The following MSRA variants were observed in gnomAD, a reference collection of about 807,000 sequenced individuals.
The protein encoded by MSRA is mitochondrial peptide methionine sulfoxide reductase.
MSRA carries 54 observed loss-of-function variants against 31.3 expected under a neutral mutation model. The observed-to-expected ratio is 1.73, with a 90% CI of 1.39 to 2.17. The LOEUF is 2.17. MSRA is among the 30% of genes most tolerant of loss of function. The pLI, the probability that MSRA is intolerant of heterozygous loss-of-function variation, is 0.00. For synonymous variants in MSRA, 169 were observed against 116.5 expected (o/e 1.45, Z -2.90); for missense variants, 507 against 300.9 (o/e 1.69, Z -5.07).
intron 2 of MSRA, among the ~76,000 whole-genome samples, chr8:10,208,516 A>C (rs550780332): frequency 1.3e-5 from 2 of 152,198 alleles, no homozygotes; most frequent in Admixed American, 6.5e-5. Flanking sequence ...ATGTCATCTA[A>C]ACTTCCTTCA....
At chr8:10,327,292 T>C (rs941114710) in intron 5 of MSRA, among the ~76,000 whole-genome samples, 1 of 152,202 alleles carries the variant, frequency 6.6e-6, no homozygotes, top group African/African-American at 2.4e-5. Flanking sequence ...CATCAGTATA[T>C]AGCTACAATC....
At chr8:10,128,859 C>T (rs777421555) in intron 1 of MSRA, among the ~76,000 whole-genome samples, 7 of 152,166 alleles carry the variant, frequency 4.6e-5, no homozygotes, top group Non-Finnish European at 7.3e-5. Flanking sequence ...TAGAATGAAT[C>T]ATCAAAAGCT....
At chr8:10,337,864 G>A (rs1803154894) in intron 5 of MSRA, 1 of 700,182 alleles carries the variant, frequency 1.4e-6, no homozygotes, top group Non-Finnish European at 2.6e-6. Context: ...AGTTTGTAAA[G>A]TGGTCCTCAC....
chr8:10,272,744 TA>T (rs1409190933), intron 3 of MSRA, among the ~76,000 whole-genome samples: 12 of 152,336 alleles, frequency 7.9e-5, no homozygotes, highest in Middle Eastern at 3.4e-3. Context: ...TTTATGTGTT[TA>T]TTTTTTTTAT....
intron 2 of MSRA, among the ~76,000 whole-genome samples, chr8:10,231,168 C>T (rs1276842218): frequency 1.3e-5 from 2 of 151,926 alleles, no homozygotes; most frequent in Admixed American, 1.3e-4. Context: ...AGAAAGGCGG[C>T]AAGGAGGGAG....
chr8:10,380,971 AGAAG>A (rs1347222052), intron 5 of MSRA, among the ~76,000 whole-genome samples: 1 of 151,850 alleles, frequency 6.6e-6, no homozygotes, highest in Non-Finnish European at 1.5e-5. Flanking sequence ...ACGGATGGGT[AGAAG>A]GATGGATGGA....
At chr8:10,316,490 A>C (rs779400346) in intron 4 of MSRA, among the ~76,000 whole-genome samples, 2 of 148,962 alleles carry the variant, frequency 1.3e-5, no homozygotes, top group Non-Finnish European at 3.0e-5. Context: ...GCCTGGACAT[A>C]GTGAGAACTA....
intron 1 of MSRA, among the ~76,000 whole-genome samples, chr8:10,056,221 A>AAC (rs1554532490): frequency 2.0e-5 from 3 of 149,102 alleles, no homozygotes; most frequent in African/African-American, 7.4e-5. Context: ...AAAAAAAAAA[A>AAC]CCCCAAATAA....
chr8:10,421,099 C>T (rs560082201), intron 5 of MSRA, among the ~76,000 whole-genome samples: 13 of 152,256 alleles, frequency 8.5e-5, no homozygotes, highest in African/African-American at 1.2e-4. Flanking sequence ...GTCTGACTCA[C>T]ATACAGGCTG....
chr8:10,202,944 C>T (rs1423332759), intron 1 of MSRA, among the ~76,000 whole-genome samples: 1 of 152,066 alleles, frequency 6.6e-6, no homozygotes, highest in African/African-American at 2.4e-5. Context: ...CACAGTCAGG[C>T]CGTCTTGTCC....
chr8:10,235,439 A>G lies in MSRA; in HGVS notation c.212-9665A>G, dbSNP rs374764065. Among the ~76,000 whole-genome samples the G allele has an allele frequency of 2.9e-4, 44 of 152,284 alleles. 1 individual carries two copies. In the South Asian group the frequency reaches 8.5e-3, roughly 29 times the overall value. Reference sequence around the variant, plus strand: ...GGTTAAAAACATGTATTAGAAAAGAACACTTGAAAATAAATAAGCTAATAA... The same window carrying G: ...GGTTAAAAACATGTATTAGAAAAGAGCACTTGAAAATAAATAAGCTAATAA... On this transcript the variant is annotated intron_variant, in intron 2 of 5. Coordinates refer to ENST00000317173, the MANE Select transcript of MSRA (RefSeq NM_012331.5).
chr8:10,283,437 TA>T lies in MSRA; in HGVS notation c.332-18090del, dbSNP rs200331557. Among the ~76,000 whole-genome samples the T allele has an allele frequency of 6.2e-3, 936 of 152,132 alleles. 18 individuals carry two copies. Among genetic ancestry groups the T allele is most frequent in the African/African-American group, 0.021 (864 of 41,490 alleles). On this transcript the variant is annotated intron_variant, in intron 3 of 5. Transcript: ENST00000317173. ...TGTCCTATCTACTGCTTTTCTTTTT[TA>T]AAAAAATTTTTATTTCCTTAAGTTT...
At chr8:10,238,574 A>T (rs552856994) in intron 2 of MSRA, among the ~76,000 whole-genome samples, 3 of 152,236 alleles carry the variant, frequency 2.0e-5, no homozygotes, top group Non-Finnish European at 4.4e-5. Flanking sequence ...AGGAATAGAC[A>T]AATGAATGGA....
rs146053660 is a variant in MSRA at position 10,220,650 on chromosome 8, A to G, written c.211+12749A>G. ...GTTTCCTAATTTCCATAATTCTGCC[A>G]CTTGTCAGGTCACGATGGAGCTGTT... On this transcript the variant is annotated intron_variant, in intron 2 of 5. Transcript: ENST00000317173. 2.8e-3 allele frequency among the ~76,000 whole-genome samples: 425 copies of G among 152,252 alleles called. 2 individuals carry two copies. Among genetic ancestry groups the G allele is most frequent in the Non-Finnish European group, 4.9e-3 (335 of 68,030 alleles).
At chr8:10,338,020 G>A (rs1343384950) in intron 5 of MSRA, among the ~76,000 whole-genome samples, 2 of 152,100 alleles carry the variant, frequency 1.3e-5, no homozygotes, top group East Asian at 1.9e-4. Flanking sequence ...TGAACCTAAG[G>A]GGTGATCAAA....
chr8:10,386,980 G>A (rs935683471), intron 5 of MSRA, among the ~76,000 whole-genome samples: 3 of 151,410 alleles, frequency 2.0e-5, no homozygotes, highest in Non-Finnish European at 4.4e-5. Context: ...GTCAAATATT[G>A]ATGTGCGTGC....
intron 2 of MSRA, among the ~76,000 whole-genome samples, chr8:10,222,756 G>A (rs988788799): frequency 2.0e-5 from 3 of 152,178 alleles, no homozygotes; most frequent in African/African-American, 2.4e-5. Flanking sequence ...AATAGTGCGC[G>A]ATCTCACTTG....
chr8:10,266,841 A>C (rs1216615604), intron 3 of MSRA, among the ~76,000 whole-genome samples: 1 of 152,178 alleles, frequency 6.6e-6, no homozygotes, highest in Non-Finnish European at 1.5e-5. Context: ...TGGTGACAGA[A>C]GTCTTCTACC....
At chr8:10,371,139 G>C (rs1039843555) in intron 5 of MSRA, among the ~76,000 whole-genome samples, 1 of 152,126 alleles carries the variant, frequency 6.6e-6, no homozygotes, top group Non-Finnish European at 1.5e-5. Context: ...AGATGATTAG[G>C]GAAAAGCTTA....
Sources: gnomAD v4.1 joint callset for allele counts (sites outside exome capture counted in the v4.1 genomes callset) on GRCh38, gnomAD v4.1.1 for gene constraint, MANE v1.5 for transcripts, NCBI Gene and HGNC (gene_info 2026-07-23, HGNC 2026-07-21) for gene names.